The following APPL2 variants were observed in gnomAD, a reference collection of about 807,000 sequenced individuals.
The protein encoded by APPL2 is DCC-interacting protein 13-beta.
APPL2 carries 84 observed loss-of-function variants against 92.7 expected under a neutral mutation model. The ratio of observed to expected loss-of-function variants is 0.91; its 90% CI spans 0.76 to 1.09. APPL2 has a LOEUF of 1.09. Ranked by LOEUF, APPL2 falls within the 50% of genes least tolerant of loss-of-function variation. The probability of loss-of-function intolerance (pLI) is 0.00; values close to 1 mark genes in which losing one functional copy is unlikely to be tolerated. For synonymous variants in APPL2, 291 were observed against 291.0 expected (o/e 1.00, Z 0.00); for missense variants, 736 against 824.5 (o/e 0.89, Z 1.31).
intron 4 of APPL2, among the ~76,000 whole-genome samples, chr12:105,212,528 A>T (rs1221591924): frequency 1.3e-5 from 2 of 152,214 alleles, no homozygotes; most frequent in Non-Finnish European, 2.9e-5. Flanking sequence ...GAGATCTAAG[A>T]TTCGTTTACT....
chr12:105,223,944 C>G (rs953420170), intron 2 of APPL2, among the ~76,000 whole-genome samples: 11 of 152,138 alleles, frequency 7.2e-5, no homozygotes, highest in Non-Finnish European at 1.5e-4. Flanking sequence ...GATGATGGCT[C>G]GACCTGCCCA....
intron 20 of APPL2, among the ~76,000 whole-genome samples, chr12:105,175,200 T>C (rs887523326): frequency 1.3e-5 from 2 of 152,184 alleles, no homozygotes; most frequent in African/African-American, 4.8e-5. Context: ...TGTCTTATGA[T>C]AGCAGAGTTG....
chr12:105,214,126 C>A (rs539232245), intron 4 of APPL2, among the ~76,000 whole-genome samples: 3 of 152,234 alleles, frequency 2.0e-5, no homozygotes, highest in Non-Finnish European at 2.9e-5. Flanking sequence ...GCAGAGGTTG[C>A]GGTGAGCCAA....
intron 2 of APPL2, among the ~76,000 whole-genome samples, chr12:105,224,294 T>A (rs369783343): frequency 6.6e-6 from 1 of 152,168 alleles, no homozygotes; most frequent in East Asian, 1.9e-4. Flanking sequence ...TTAGAACATT[T>A]ATGGATAAAA....
rs1889797759 is a variant in APPL2, at chr12:105,217,659, A to G, written c.213+7T>C. The G allele has an allele frequency of 6.2e-7, 1 of 1,613,860 alleles. No homozygotes were observed. The highest frequency in any genetic ancestry group is 1.1e-5 in the South Asian group (1 of 91,094). ...CAGCATCACAGGCCACATAAATACC[A>G]AGTTACCTGTTTTTCATATGCCAGC... On this transcript the variant is annotated splice_region_variant and intron_variant, in intron 3 of 20. Coordinates refer to ENST00000258530, the MANE Select transcript of APPL2 (RefSeq NM_018171.5).
intron 14 of APPL2, among the ~76,000 whole-genome samples, chr12:105,192,492 T>C (rs557515402): frequency 2.3e-4 from 30 of 132,214 alleles, no homozygotes; most frequent in African/African-American, 7.4e-4. Context: ...TGTCCCATGA[T>C]CTCCACTGTC....
At chr12:105,199,858 G>A (rs1592788898) in intron 9 of APPL2, among the ~76,000 whole-genome samples, 1 of 151,004 alleles carries the variant, frequency 6.6e-6, no homozygotes, top group East Asian at 1.9e-4. Flanking sequence ...TCGCTCTGTC[G>A]CCCAGGCTGG....
chr12:105,192,709 C>CT (rs1566063276), intron 14 of APPL2, among the ~76,000 whole-genome samples: 1 of 152,198 alleles, frequency 6.6e-6, no homozygotes, highest in Non-Finnish European at 1.5e-5. Flanking sequence ...ACCTCATCTC[C>CT]TTAACATTGG....
At position 105,174,180 on chromosome 12, in the gene APPL2, G is replaced by C; in HGVS notation, c.*134C>G. 1 of 1,069,162 alleles carries C rather than the reference G, an allele frequency of 9.4e-7. No homozygotes were observed. Among genetic ancestry groups the C allele is most frequent in the Non-Finnish European group, 1.3e-6 (1 of 761,466 alleles). The allele number at this position is 1,069,162 out of a possible 1,614,324, so 66.2% of individuals were successfully genotyped here. On this transcript the variant is annotated 3_prime_UTR_variant, in exon 21 of 21. Coordinates refer to ENST00000258530, the MANE Select transcript of APPL2 (RefSeq NM_018171.5). ...TTCCCTCCCAAGTCTCAGTATCAAGGCATCAAGATTACATTCCACAAACGA... is the reference window on the plus strand; with the variant it reads ...TTCCCTCCCAAGTCTCAGTATCAAGCCATCAAGATTACATTCCACAAACGA...
At chr12:105,199,298 C>T (rs565802539) in intron 10 of APPL2, 75 bp downstream of exon 10, 51 of 1,525,644 alleles carry the variant, frequency 3.3e-5, no homozygotes, top group Non-Finnish European at 4.4e-5. Flanking sequence ...TTTAATGAGG[C>T]ACGTAAGATT....
At chr12:105,177,401 T>C in intron 17 of APPL2, 139 bp from the exon 18 acceptor site, 2 of 845,000 alleles carry the variant, frequency 2.4e-6, no homozygotes, top group Non-Finnish European at 3.8e-6. Context: ...GAGATAGCTG[T>C]GTGTGACCAC....
At chr12:105,198,597 A>T (rs1887872280) in intron 10 of APPL2, among the ~76,000 whole-genome samples, 1 of 152,204 alleles carries the variant, frequency 6.6e-6, no homozygotes, top group Non-Finnish European at 1.5e-5. Flanking sequence ...ACTGGGGGTT[A>T]TCAAACACAT....
At chr12:105,233,037 C>T (rs903171132) in intron 1 of APPL2, 23 of 935,930 alleles carry the variant, frequency 2.5e-5, no homozygotes, top group Non-Finnish European at 2.9e-5. Context: ...AAACACAAAC[C>T]GAGCAAGCAA....
intron 2 of APPL2, among the ~76,000 whole-genome samples, chr12:105,221,184 G>C (rs1890071693): frequency 2.0e-5 from 3 of 152,196 alleles, no homozygotes; most frequent in Admixed American, 1.3e-4. Context: ...AGGTAGGCCT[G>C]CAAAAATATC....
At chr12:105,211,518 G>C (rs1889216750) in intron 4 of APPL2, among the ~76,000 whole-genome samples, 1 of 152,184 alleles carries the variant, frequency 6.6e-6, no homozygotes, top group African/African-American at 2.4e-5. Context: ...GGTTCTAACT[G>C]ACCAGGGCAC....
chr12:105,194,887 A>T (rs1566065164), intron 14 of APPL2, among the ~76,000 whole-genome samples: 1 of 151,128 alleles, frequency 6.6e-6, no homozygotes, highest in East Asian at 1.9e-4. Flanking sequence ...ATAAAAGGCG[A>T]TTTTTTTTTC....
chr12:105,216,391 G>T (rs1363563333), intron 4 of APPL2, among the ~76,000 whole-genome samples: 2 of 152,028 alleles, frequency 1.3e-5, no homozygotes, highest in Non-Finnish European at 1.5e-5. Flanking sequence ...TAAACCCTTT[G>T]TAGTGGGTTG....
chr12:105,202,935 T>G (rs1888340775), intron 9 of APPL2, among the ~76,000 whole-genome samples: 1 of 152,046 alleles, frequency 6.6e-6, no homozygotes, highest in African/African-American at 2.4e-5. Context: ...TTCAAGAAAA[T>G]GAGCAACTTT....
Position 105,173,466 on chromosome 12 carries a change from G to C in APPL2, c.*848C>G, listed in dbSNP as rs1885181303. 1 of 152,614 alleles carries C rather than the reference G, an allele frequency of 6.6e-6. No individual in the cohort carries two copies. The highest frequency in any genetic ancestry group is 6.6e-5 in the Admixed American group (1 of 15,258). The allele number at this position is 152,614 out of a possible 1,614,324, so 9.5% of individuals were successfully genotyped here. A position where few individuals can be genotyped will look rare whatever the true frequency, so the allele number is the denominator to read the frequency against. The stretch of plus-strand genomic sequence containing the variant: ...GGGGTTCCAGGAATTGGAAGTATCA[G>C]GGTGGAAATAGGAACTTTATACCAA... On this transcript the variant is annotated 3_prime_UTR_variant, in exon 21 of 21. Coordinates refer to ENST00000258530, the MANE Select transcript of APPL2 (RefSeq NM_018171.5).
Sources: gnomAD v4.1 joint callset for allele counts (sites outside exome capture counted in the v4.1 genomes callset) on GRCh38, gnomAD v4.1.1 for gene constraint, MANE v1.5 for transcripts, NCBI Gene and HGNC (gene_info 2026-07-23, HGNC 2026-07-21) for gene names.